PSD3: variants seen among roughly 807,000 people sequenced by gnomAD.
The protein encoded by PSD3 is pleckstrin and Sec7 domain containing 3.
A neutral mutation model predicts 105.5 loss-of-function variants in PSD3; 49 were observed. The observed-to-expected ratio is 0.46, with a 90% CI of 0.37 to 0.59. The LOEUF (loss-of-function observed/expected upper bound fraction) is 0.59, where lower values mean the gene tolerates loss of function less well. Among genes scored for constraint, PSD3 ranks in the 20% least tolerant of loss-of-function variants. PSD3 has a pLI of 0.00. For synonymous variants in PSD3, 557 were observed against 457.8 expected (o/e 1.22, Z -2.77); for missense variants, 1,561 against 1,263.8 (o/e 1.24, Z -3.57).
chr8:18,809,908 T>G (rs1275306179), intron 4 of PSD3, among the ~76,000 whole-genome samples: 1 of 152,280 alleles, frequency 6.6e-6, no homozygotes, highest in Middle Eastern at 3.4e-3. Flanking sequence ...GTTTTCATCC[T>G]TCTCTCTTGA....
chr8:18,941,700 TCTCA>T (rs2129469434), intron 1 of PSD3, among the ~76,000 whole-genome samples: 1 of 145,792 alleles, frequency 6.9e-6, no homozygotes, highest in Non-Finnish European at 1.5e-5. Flanking sequence ...GATGACAGAT[TCTCA>T]CTCTGTCACC....
intron 1 of PSD3, among the ~76,000 whole-genome samples, chr8:19,069,594 A>G (rs1829186460): frequency 6.6e-6 from 1 of 152,256 alleles, no homozygotes; most frequent in Non-Finnish European, 1.5e-5. Context: ...TAGGGTCATC[A>G]TCGTGATAAT....
chr8:18,558,618 T>G (rs12679151), intron 14 of PSD3, among the ~76,000 whole-genome samples: 24,357 of 152,032 alleles, frequency 0.16, 2,172 homozygotes, highest in East Asian at 0.37. Context: ...GTCAGGAGTT[T>G]GAGACCAGCC....
intron 1 of PSD3, among the ~76,000 whole-genome samples, chr8:18,947,279 A>G (rs921893319): frequency 2.6e-5 from 4 of 152,218 alleles, no homozygotes; most frequent in African/African-American, 9.6e-5. Flanking sequence ...CAGGAAATGG[A>G]CCACCAGCTT....
chr8:18,643,717 T>C (rs1433404747), intron 10 of PSD3, among the ~76,000 whole-genome samples: 4 of 152,248 alleles, frequency 2.6e-5, no homozygotes, highest in Non-Finnish European at 5.9e-5. Context: ...GAATTGGGGT[T>C]GGGCCCCCAA....
At chr8:18,746,877 T>G (rs73199952) in intron 9 of PSD3, among the ~76,000 whole-genome samples, 4,122 of 152,328 alleles carry the variant, frequency 0.027, 84 homozygotes, top group Middle Eastern at 0.048. Context: ...ATGCCAGGGT[T>G]GTGATTTAAT....
At chr8:18,635,046 G>A (rs1226563610) in intron 10 of PSD3, among the ~76,000 whole-genome samples, 2 of 152,038 alleles carry the variant, frequency 1.3e-5, no homozygotes, top group African/African-American at 2.4e-5. Context: ...TGGACACATG[G>A]ATATTTGTTT....
intron 8 of PSD3, among the ~76,000 whole-genome samples, chr8:18,771,689 C>T (rs1807547730): frequency 6.6e-6 from 1 of 152,196 alleles, no homozygotes; most frequent in South Asian, 2.1e-4. Flanking sequence ...GATTATACTG[C>T]AATGATCTAG....
At chr8:18,946,830 G>A (rs1228799393) in intron 1 of PSD3, among the ~76,000 whole-genome samples, 1 of 145,404 alleles carries the variant, frequency 6.9e-6, no homozygotes, top group African/African-American at 2.5e-5. Flanking sequence ...GCTTGAACCT[G>A]GGAGACGAAG....
intron 4 of PSD3, among the ~76,000 whole-genome samples, chr8:18,815,656 C>T (rs367600724): frequency 6.6e-6 from 1 of 152,182 alleles, no homozygotes; most frequent in South Asian, 2.1e-4. Flanking sequence ...TCCTATAGCA[C>T]AGGCGTTGCT....
chr8:18,751,485 A>G (rs1776167967), intron 9 of PSD3, among the ~76,000 whole-genome samples: 1 of 152,238 alleles, frequency 6.6e-6, no homozygotes, highest in African/African-American at 2.4e-5. Flanking sequence ...CAGAAGCCTA[A>G]ACCGAAAACC....
chr8:18,938,300 C>G (rs778288732), intron 1 of PSD3, among the ~76,000 whole-genome samples: 50 of 152,076 alleles, frequency 3.3e-4, no homozygotes, highest in Non-Finnish European at 4.4e-4. Context: ...AAGAATTACA[C>G]AGTTTTCTGA....
chr8:18,648,710 AG>A (rs761341442), intron 10 of PSD3, among the ~76,000 whole-genome samples: 12 of 152,354 alleles, frequency 7.9e-5, no homozygotes, highest in Middle Eastern at 3.4e-3. Flanking sequence ...CCTTTGCAGC[AG>A]CCCCTCCTAT....
chr8:18,797,936 A>G (rs1810332333), intron 8 of PSD3, among the ~76,000 whole-genome samples: 1 of 152,146 alleles, frequency 6.6e-6, no homozygotes, highest in Admixed American at 6.6e-5. Context: ...AAACGCACTC[A>G]AAATTTTCTC....
intron 9 of PSD3, among the ~76,000 whole-genome samples, chr8:18,719,834 AGCAAAACTCTGTATAT>A (rs745868522): frequency 2.6e-5 from 4 of 152,230 alleles, no homozygotes; most frequent in Non-Finnish European, 5.9e-5. Flanking sequence ...ATATCTAGAT[AGCAAAACTCTGTATAT>A]TTTGCTTTGT....
intron 14 of PSD3, among the ~76,000 whole-genome samples, chr8:18,565,954 A>G (rs1801716786): frequency 6.6e-6 from 1 of 152,094 alleles, no homozygotes; most frequent in Non-Finnish European, 1.5e-5. Context: ...ACGACAAAGA[A>G]TTATCCACAC....
intron 11 of PSD3, among the ~76,000 whole-genome samples, chr8:18,628,134 T>C (rs957349616): frequency 1.3e-5 from 2 of 151,954 alleles, no homozygotes; most frequent in African/African-American, 2.4e-5. Flanking sequence ...ACCCTTGGGA[T>C]AGCACTGAGT....
At position 18,534,682 on chromosome 8, in the gene PSD3, G is replaced by A. The variant is rs562729204; in HGVS notation, c.*1061C>T. 1 of 152,274 alleles carries A rather than the reference G, an allele frequency of 6.6e-6. No individual in the cohort carries two copies. Among genetic ancestry groups the A allele is most frequent in the East Asian group, 1.9e-4 (1 of 5,178 alleles). 9.4% of individuals were successfully genotyped at this position (152,274 alleles called of 1,614,324 possible). On this transcript the variant is annotated 3_prime_UTR_variant, in exon 16 of 16. Transcript: ENST00000327040. The stretch of plus-strand genomic sequence containing the variant: ...GAACCAATATCCATCGTGGACAACT[G>A]CAGCTACGTTTTCCTTCCTTATTTT...
At chr8:18,590,764 A>G (rs73211750) in intron 12 of PSD3, among the ~76,000 whole-genome samples, 1 of 152,218 alleles carries the variant, frequency 6.6e-6, no homozygotes, top group Non-Finnish European at 1.5e-5. Context: ...TACTACATGC[A>G]TTTAAAAATG....
Sources: allele counts gnomAD v4.1 joint callset (sites outside exome capture counted in the v4.1 genomes callset), GRCh38; gene constraint gnomAD v4.1.1; transcripts MANE v1.5; gene names NCBI Gene and HGNC (gene_info 2026-07-23, HGNC 2026-07-21).